Variants in PROM1 observed in about 807,000 individuals in gnomAD.
PROM1 encodes the protein prominin 1.
A neutral mutation model predicts 116.9 loss-of-function variants in PROM1; 105 were observed. That is an observed-to-expected ratio of 0.90 (90% CI 0.77 to 1.06). The LOEUF is 1.06. Among genes scored for constraint, PROM1 ranks in the 50% least tolerant of loss-of-function variants. PROM1 has a pLI of 0.00. For missense variants in PROM1, 1,122 were observed against 1,045.2 expected (o/e 1.07, Z -1.01); for synonymous variants, 393 against 387.0 (o/e 1.02, Z -0.18).
intron 23 of PROM1, among the ~76,000 whole-genome samples, chr4:15,980,972 T>A (rs892321276): frequency 1.3e-5 from 2 of 151,410 alleles, no homozygotes; most frequent in East Asian, 3.9e-4. Flanking sequence ...TTTATTTATT[T>A]ATTATTTTAG....
At position 16,000,493 on chromosome 4, in the gene PROM1, TAC is replaced by T; in HGVS notation, c.1578+1_1578+2del. ...TTCATAATGGGTAGAAAATCATATTTACCCGGAATAATTCCTTGCTCGTGTAA... is the reference window on the plus strand; with the variant it reads ...TTCATAATGGGTAGAAAATCATATTTCCGGAATAATTCCTTGCTCGTGTAA... On this transcript the variant is annotated splice_donor_variant, in intron 14 of 27. Transcript: ENST00000447510. LOFTEE classifies it high-confidence loss of function. 2 of 1,579,276 alleles carry T rather than the reference TAC, an allele frequency of 1.3e-6. No homozygotes were observed. The highest frequency in any genetic ancestry group is 1.7e-6 in the Non-Finnish European group (2 of 1,153,782).
intron 2 of PROM1, among the ~76,000 whole-genome samples, chr4:16,059,892 T>C (rs192960660): frequency 3.5e-3 from 526 of 151,928 alleles, no homozygotes; most frequent in Admixed American, 8.5e-3. Flanking sequence ...CTGTTAGGGG[T>C]AGATCTAAAA....
chr4:16,041,215 T>C (rs1234363081), intron 2 of PROM1, among the ~76,000 whole-genome samples: 1 of 152,266 alleles, frequency 6.6e-6, no homozygotes, highest in Non-Finnish European at 1.5e-5. Flanking sequence ...TGGCAGCTGA[T>C]ACTCATTATA....
chr4:16,021,629 GC>G lies in PROM1; in HGVS notation c.784+1696del, dbSNP rs1729916635. ...CACGAGGGATCCAGGCTGCAGTGTT[GC>G]CTGGCATCATCTGGGGCCATGTGAG... On this transcript the variant is annotated intron_variant, in intron 8 of 27. Coordinates refer to ENST00000447510, the MANE Select transcript of PROM1 (RefSeq NM_006017.3). 1.3e-5 allele frequency among the ~76,000 whole-genome samples: 2 copies of G among 152,156 alleles called. 1 individual carries two copies. The highest frequency in any genetic ancestry group is 1.3e-4 in the Admixed American group (2 of 15,284).
intron 12 of PROM1, among the ~76,000 whole-genome samples, chr4:16,008,337 C>T (rs925871529): frequency 3.3e-5 from 5 of 152,162 alleles, no homozygotes; most frequent in Non-Finnish European, 5.9e-5. Flanking sequence ...CGGGTGAAAC[C>T]CCACCACTCG....
chr4:15,980,847 C>A (rs1480369457), intron 23 of PROM1, among the ~76,000 whole-genome samples: 1 of 152,124 alleles, frequency 6.6e-6, no homozygotes, highest in Non-Finnish European at 1.5e-5. Flanking sequence ...TCCAACCCAA[C>A]TTCTAACCAC....
chr4:16,074,180 T>C (rs1743448151), intron 2 of PROM1, among the ~76,000 whole-genome samples: 1 of 152,222 alleles, frequency 6.6e-6, no homozygotes, highest in African/African-American at 2.4e-5. Context: ...TAGTCAATAA[T>C]AATGTAATTG....
chr4:16,023,693 G>A (rs542912112), intron 7 of PROM1, among the ~76,000 whole-genome samples: 1 of 152,196 alleles, frequency 6.6e-6, no homozygotes. Flanking sequence ...TCTTCGGCTA[G>A]ACCAGAGTTC....
intron 8 of PROM1, among the ~76,000 whole-genome samples, chr4:16,022,238 A>G (rs1043380519): frequency 6.6e-6 from 1 of 152,166 alleles, no homozygotes; most frequent in Admixed American, 6.5e-5. Flanking sequence ...ATGGTCTCTG[A>G]GGTCATATCC....
chr4:16,023,468 A>T, intron 7 of PROM1, 53 bp from the exon 8 acceptor site: 1 of 1,367,074 alleles, frequency 7.3e-7, no homozygotes, highest in Non-Finnish European at 1.0e-6. Context: ...TCATCTCTCC[A>T]CCCCTCCCTC....
At chr4:16,034,354 T>C (rs1340151920) in intron 4 of PROM1, among the ~76,000 whole-genome samples, 4 of 152,170 alleles carry the variant, frequency 2.6e-5, no homozygotes, top group Non-Finnish European at 5.9e-5. Flanking sequence ...TGTCAAGTCA[T>C]TGTGAAAATT....
At chr4:16,051,233 T>C (rs1185367424) in intron 2 of PROM1, among the ~76,000 whole-genome samples, 1 of 152,216 alleles carries the variant, frequency 6.6e-6, no homozygotes, top group Non-Finnish European at 1.5e-5. Context: ...TGCAAGTAAC[T>C]GGCACTGCTT....
chr4:16,010,317 G>A lies in PROM1; in HGVS notation c.1142-1209C>T, dbSNP rs191483791. Reference sequence around the variant, plus strand: ...CTGTATCCAAGTGATTCTTGACACGGACATACTAAGAACACACTAATCAGT... The same window carrying A: ...CTGTATCCAAGTGATTCTTGACACGAACATACTAAGAACACACTAATCAGT... On this transcript the variant is annotated intron_variant, in intron 11 of 27. Transcript: ENST00000447510. 1.6e-3 allele frequency among the ~76,000 whole-genome samples: 238 copies of A among 152,214 alleles called. 4 individuals are homozygous for A. The highest frequency in any genetic ancestry group is 0.016 in the Admixed American group (238 of 15,274).
At chr4:16,058,203 C>T (rs1053907519) in intron 2 of PROM1, among the ~76,000 whole-genome samples, 6 of 152,110 alleles carry the variant, frequency 3.9e-5, no homozygotes, top group African/African-American at 9.7e-5. Flanking sequence ...TCTAGGCATC[C>T]GGCTCACAGC....
chr4:15,995,390 A>AAGG (rs568780629), intron 15 of PROM1, among the ~76,000 whole-genome samples: 3 of 151,674 alleles, frequency 2.0e-5, no homozygotes, highest in South Asian at 2.1e-4. Context: ...AAAGAAGAAA[A>AAGG]AGGAGGAGGA....
intron 27 of PROM1, among the ~76,000 whole-genome samples, chr4:15,970,101 G>T (rs1714039691): frequency 6.6e-6 from 1 of 151,474 alleles, no homozygotes; most frequent in African/African-American, 2.4e-5. Context: ...CAGTAGCTGG[G>T]ACTACAGGCA....
At chr4:15,991,424 A>T (rs1240328776) in intron 17 of PROM1, 131 bp from the exon 18 acceptor site, 3 of 573,874 alleles carry the variant, frequency 5.2e-6, no homozygotes, top group Non-Finnish European at 8.9e-6. Context: ...AAACTCTTAA[A>T]CAGGTGGCAA....
Position 16,075,845 on chromosome 4 carries a change from C to T in PROM1, c.62G>A (p.Gly21Glu). The change falls in exon 2 of 28, where the codon GGG becomes GAG. Residue 21 changes from glycine (G) to glutamate (E), a missense_variant. By Grantham distance (98) the Gly-to-Glu change is moderately conservative. Coordinates refer to ENST00000447510, the MANE Select transcript of PROM1 (RefSeq NM_006017.3). ...LGLCGNSFSG[G>E]QPSSTDAPKA... is the part of the protein sequence containing the mutation. ...AGGAGCATCTGTGGATGAAGGCTGC[C>T]CTCCTGAAAAGGAGTTCCCGCACAG... The T allele has an allele frequency of 6.2e-7, 1 of 1,613,736 alleles. No homozygotes were observed. The highest frequency in any genetic ancestry group is 8.5e-7 in the Non-Finnish European group (1 of 1,179,814).
Position 16,028,615 on chromosome 4 carries a change from C to A in PROM1, c.510-3303G>T, listed in dbSNP as rs147123310. On this transcript the variant is annotated intron_variant, in intron 5 of 27. Transcript: ENST00000447510. Reference sequence around the variant, plus strand: ...CTTTGAGGTATTGATTTAGACACTCCCTGTTGTTCAGTGTATTTTTTAGCA... The same window carrying A: ...CTTTGAGGTATTGATTTAGACACTCACTGTTGTTCAGTGTATTTTTTAGCA... Among the ~76,000 whole-genome samples, 166 of 152,126 alleles carry A rather than the reference C, an allele frequency of 1.1e-3. 1 individual carries two copies. The highest frequency in any genetic ancestry group is 3.8e-3 in the African/African-American group (158 of 41,504).
Sources: gnomAD v4.1 joint callset for allele counts (sites outside exome capture counted in the v4.1 genomes callset) on GRCh38, gnomAD v4.1.1 for gene constraint, MANE v1.5 for transcripts, NCBI Gene and HGNC (gene_info 2026-07-23, HGNC 2026-07-21) for gene names.